The following PRKCZ variants were observed in gnomAD, a reference collection of about 807,000 sequenced individuals.
PRKCZ encodes the protein protein kinase C zeta type.
PRKCZ carries 33 observed loss-of-function variants against 79.5 expected under a neutral mutation model. That is an observed-to-expected ratio of 0.41 (90% CI 0.31 to 0.55). The LOEUF is 0.55. Among genes scored for constraint, PRKCZ ranks in the 20% least tolerant of loss-of-function variants. PRKCZ has a pLI of 0.19. For missense variants in PRKCZ, 578 were observed against 813.5 expected, an observed-to-expected ratio of 0.71 and a Z score of 3.52; for synonymous variants, 342 against 320.9, an observed-to-expected ratio of 1.07 and a Z score of -0.70.
rs374262179 is a variant in PRKCZ at position 2,174,026 on chromosome 1, C to T, written c.1405+10C>T. 9.4e-6 allele frequency: 15 copies of T among 1,594,294 alleles called. No homozygotes were observed. The highest frequency in any genetic ancestry group is 1.3e-5 in the African/African-American group (1 of 74,418). On this transcript the variant is annotated intron_variant, in intron 14 of 17. Transcript: ENST00000378567. This position sits in a 1 kb window ranked among gnomAD's most constrained non-coding sequence, Gnocchi z 6.2. ...GACTACCTTTTCCAAGGTGCGTGCC[C>T]CGCTGTGCGTTCGTACCCCTCACCT...
At chr1:2,184,719 G>A (rs763005451) in intron 17 of PRKCZ, 21 bp downstream of exon 17, 3 of 1,601,218 alleles carry the variant, frequency 1.9e-6, no homozygotes, top group East Asian at 2.2e-5. Flanking sequence ...CTGGGTGCGG[G>A]TCCCTGGAGC....
intron 1 of PRKCZ, among the ~76,000 whole-genome samples, chr1:2,051,912 G>T (rs951950534): frequency 2.6e-5 from 4 of 152,194 alleles, no homozygotes; most frequent in Non-Finnish European, 5.9e-5. Context: ...CCTTCGGGGT[G>T]CAGTGGCCCG....
rs1193728869 is a variant in PRKCZ at position 2,075,045 on chromosome 1, C to G, written c.334+15454C>G. ...TGGCAGCGCGCCCCTCCCCCAGGTG[C>G]GAAGGGACCTCAGCAGACGCAGGGC... On this transcript the variant is annotated intron_variant, in intron 4 of 17. Coordinates refer to ENST00000378567, the MANE Select transcript of PRKCZ (RefSeq NM_002744.6). The surrounding 1 kb of genome is among the most constrained non-coding windows in gnomAD (Gnocchi z 4.8). 1 of 151,978 alleles carries G rather than the reference C, an allele frequency of 6.6e-6. No homozygotes were observed. Among genetic ancestry groups the G allele is most frequent in the Admixed American group, 6.5e-5 (1 of 15,278 alleles). 9.4% of individuals were successfully genotyped at this position (151,978 alleles called of 1,614,324 possible).
intron 4 of PRKCZ, among the ~76,000 whole-genome samples, chr1:2,069,290 C>T (rs1440394624): frequency 4.6e-5 from 7 of 152,108 alleles, no homozygotes; most frequent in East Asian, 1.9e-4. Flanking sequence ...CTTTGGGAGG[C>T]GTGGTCCAGG....
At chr1:2,108,728 C>A (rs1669104991) in intron 4 of PRKCZ, among the ~76,000 whole-genome samples, 2 of 152,344 alleles carry the variant, frequency 1.3e-5, no homozygotes, top group Admixed American at 1.3e-4. Context: ...TCACCACCCC[C>A]TGCCTGTCCG....
At chr1:2,117,157 C>G (rs190850980) in intron 4 of PRKCZ, among the ~76,000 whole-genome samples, 3 of 152,086 alleles carry the variant, frequency 2.0e-5, no homozygotes, top group Non-Finnish European at 4.4e-5. Flanking sequence ...CCTATGTTGC[C>G]CAGGCTGGTC....
chr1:2,181,653 A>G (rs893533013), intron 16 of PRKCZ: 1 of 334,734 alleles, frequency 3.0e-6, no homozygotes, highest in Non-Finnish European at 5.9e-6. Context: ...AACTGAGGCA[A>G]TCTTGAGCCC....
At chr1:2,159,925 G>A (rs1164018515) in intron 10 of PRKCZ, among the ~76,000 whole-genome samples, 4 of 152,100 alleles carry the variant, frequency 2.6e-5, no homozygotes, top group African/African-American at 7.2e-5. Context: ...TACTTTCAGC[G>A]TCCCCCGCCC....
chr1:2,150,693 A>G, intron 8 of PRKCZ, 97 bp from the exon 9 acceptor site: 1 of 1,255,170 alleles, frequency 8.0e-7, no homozygotes. Flanking sequence ...GGCTCTGAGG[A>G]GCAGGTCTCT....
chr1:2,130,028 G>A (rs889777271), intron 4 of PRKCZ, among the ~76,000 whole-genome samples: 9 of 152,058 alleles, frequency 5.9e-5, no homozygotes, highest in African/African-American at 9.7e-5. Context: ...TCAGCCTCCC[G>A]AGTAGCTGGG....
chr1:2,072,271 C>T (rs111858153), intron 4 of PRKCZ, among the ~76,000 whole-genome samples: 101 of 152,352 alleles, frequency 6.6e-4, no homozygotes, highest in African/African-American at 2.2e-3. Context: ...GAGTCCACTC[C>T]GTGAATGCAG....
In PRKCZ at chr1:2,120,585, CG is replaced by C. The variant is rs554902423; in HGVS notation, c.335-14676del. ...TGCTGGGATTACAGGTGTGAGCCAC[CG>C]TGCCCGGCCAGCCCTTGGCTTTTCA... On this transcript the variant is annotated intron_variant, in intron 4 of 17. Transcript: ENST00000378567. Among the ~76,000 whole-genome samples, 355 of 151,634 alleles carry C rather than the reference CG, an allele frequency of 2.3e-3. 2 individuals are homozygous for C. The highest frequency in any genetic ancestry group is 8.2e-3 in the African/African-American group (337 of 41,346).
At chr1:2,107,247 C>T (rs1236053333) in intron 4 of PRKCZ, among the ~76,000 whole-genome samples, 1 of 152,232 alleles carries the variant, frequency 6.6e-6, no homozygotes. Flanking sequence ...GCTGTGTGGG[C>T]TCCTGTGCGG....
intron 3 of PRKCZ, 61 bp from the exon 4 acceptor site, chr1:2,059,480 G>T: frequency 3.8e-6 from 6 of 1,594,260 alleles, no homozygotes; most frequent in Non-Finnish European, 5.2e-6. Flanking sequence ...GACTTCCTCC[G>T]TGAGACTGTT....
In PRKCZ at chr1:2,080,833, T is replaced by C. The variant is rs77078357; in HGVS notation, c.334+21242T>C. 3.1e-3 allele frequency among the ~76,000 whole-genome samples: 471 copies of C among 152,282 alleles called. 23 individuals are homozygous for C. In the East Asian group the frequency reaches 0.077, roughly 25 times the overall value. On this transcript the variant is annotated intron_variant, in intron 4 of 17. Coordinates refer to ENST00000378567, the MANE Select transcript of PRKCZ (RefSeq NM_002744.6). ...TGGCAGGTCTCTCAGACTTGCCTCATTTTCAACGACCTTCGTAGTTTTAAG... is the reference window on the plus strand; with the variant it reads ...TGGCAGGTCTCTCAGACTTGCCTCACTTTCAACGACCTTCGTAGTTTTAAG...
At chr1:2,155,588 CGGT>C (rs1379374646) in intron 9 of PRKCZ, among the ~76,000 whole-genome samples, 4 of 134,812 alleles carry the variant, frequency 3.0e-5, no homozygotes, top group African/African-American at 1.0e-4. Flanking sequence ...ATGGTGATGA[CGGT>C]GGTGGTGATG....
intron 4 of PRKCZ, among the ~76,000 whole-genome samples, chr1:2,077,468 C>T (rs560495480): frequency 4.6e-5 from 7 of 152,272 alleles, no homozygotes; most frequent in East Asian, 1.9e-4. Flanking sequence ...GAAAGAATCC[C>T]GTGAGGCTGT....
At chr1:2,113,408 T>C (rs1019322440) in intron 4 of PRKCZ, among the ~76,000 whole-genome samples, 1 of 152,088 alleles carries the variant, frequency 6.6e-6, no homozygotes, top group South Asian at 2.1e-4. Context: ...GGGGGGCTCA[T>C]CCGGGGCATT....
At position 2,126,162 on chromosome 1, in the gene PRKCZ, C is replaced by A. The variant is rs546784944; in HGVS notation, c.335-9100C>A. Among the ~76,000 whole-genome samples, 3 of 152,360 alleles carry A rather than the reference C, an allele frequency of 2.0e-5. No individual in the cohort carries two copies. In the East Asian group the frequency reaches 5.8e-4, roughly 29 times the overall value. On this transcript the variant is annotated intron_variant, in intron 4 of 17. Transcript: ENST00000378567. ...GTCTCCTCCCCCCGCCTGCACCAGG[C>A]ACCAGAGACCCGGATGCCAAGGCCT...
Sources: allele counts gnomAD v4.1 joint callset (sites outside exome capture counted in the v4.1 genomes callset), GRCh38; gene constraint gnomAD v4.1.1; non-coding constraint Gnocchi (gnomAD v3.1); transcripts MANE v1.5; gene names NCBI Gene and HGNC (gene_info 2026-07-23, HGNC 2026-07-21).